Variants in LRBA observed in about 807,000 individuals in gnomAD.
LRBA encodes LPS responsive beige-like anchor protein, also known as lipopolysaccharide-responsive and beige-like anchor protein.
LRBA carries 176 observed loss-of-function variants against 330.0 expected under a neutral mutation model. The observed-to-expected ratio is 0.53, with a 90% CI of 0.47 to 0.60. The LOEUF (loss-of-function observed/expected upper bound fraction) is 0.60. LRBA is among the 20% of genes least tolerant of loss of function. The pLI is 0.00. For synonymous variants in LRBA, 1,230 were observed against 1,193.0 expected, an observed-to-expected ratio of 1.03 and a Z score of -0.64; for missense variants, 3,259 against 3,444.8, an observed-to-expected ratio of 0.95 and a Z score of 1.35.
At chr4:150,836,774 T>A (rs1314143949) in intron 28 of LRBA, among the ~76,000 whole-genome samples, 1 of 152,100 alleles carries the variant, frequency 6.6e-6, no homozygotes, top group Non-Finnish European at 1.5e-5. Context: ...TTTTGAAGGG[T>A]TTTTTGTGTC....
intron 33 of LRBA, among the ~76,000 whole-genome samples, chr4:150,803,440 T>C (rs1742056626): frequency 6.6e-6 from 1 of 152,072 alleles, no homozygotes; most frequent in Non-Finnish European, 1.5e-5. Flanking sequence ...TTACTACTTT[T>C]GTGAAAATTT....
intron 2 of LRBA, among the ~76,000 whole-genome samples, chr4:151,005,277 C>T (rs989753269): frequency 6.6e-6 from 1 of 151,848 alleles, no homozygotes; most frequent in Admixed American, 6.6e-5. Flanking sequence ...AAGCCTGTCT[C>T]TACTACAAAT....
At chr4:150,434,247 C>T (rs979982777) in intron 46 of LRBA, among the ~76,000 whole-genome samples, 2 of 152,048 alleles carry the variant, frequency 1.3e-5, no homozygotes, top group Non-Finnish European at 2.9e-5. Flanking sequence ...TAACACAGTA[C>T]ACCTTGCAGA....
chr4:150,511,747 A>G (rs1018611924), intron 40 of LRBA, among the ~76,000 whole-genome samples: 3 of 152,268 alleles, frequency 2.0e-5, no homozygotes, highest in African/African-American at 7.2e-5. Flanking sequence ...ACCATTTTAT[A>G]AATTAACAAA....
chr4:150,433,045 T>C (rs1750640840), intron 46 of LRBA, among the ~76,000 whole-genome samples: 1 of 152,138 alleles, frequency 6.6e-6, no homozygotes, highest in African/African-American at 2.4e-5. Flanking sequence ...AAGGAGAATA[T>C]ACACATTGGT....
intron 47 of LRBA, among the ~76,000 whole-genome samples, chr4:150,401,973 T>C (rs1394105199): frequency 6.6e-6 from 1 of 151,790 alleles, no homozygotes; most frequent in African/African-American, 2.4e-5. Context: ...GGAAAAAGGT[T>C]AACAATAGTG....
chr4:150,777,084 G>GTTGTTGT (rs1553959767), intron 34 of LRBA, among the ~76,000 whole-genome samples: 56 of 151,672 alleles, frequency 3.7e-4, no homozygotes, highest in African/African-American at 1.3e-3. Context: ...TGTTGTTGTT[G>GTTGTTGT]TTGTTGTTGT....
In LRBA at chr4:150,902,222, G is replaced by T. The variant is rs575998094; in HGVS notation, c.1756-2005C>A. ...ACTAATAAAGTAGGCATTAAGATAGGCTTTGAAGATGAGTAGTAGAATAGA... is the reference window on the plus strand; with the variant it reads ...ACTAATAAAGTAGGCATTAAGATAGTCTTTGAAGATGAGTAGTAGAATAGA... On this transcript the variant is annotated intron_variant, in intron 13 of 56. Coordinates refer to ENST00000651943, the MANE Select transcript of LRBA (RefSeq NM_001364905.1). 8.6e-4 allele frequency among the ~76,000 whole-genome samples: 131 copies of T among 152,230 alleles called. 2 individuals are homozygous for T. Among genetic ancestry groups the T allele is most frequent in the Non-Finnish European group, 1.6e-3 (107 of 68,012 alleles).
In LRBA at chr4:150,601,822, C is replaced by A. The variant is rs28532218; in HGVS notation, c.5922-2691G>T. Among the ~76,000 whole-genome samples the A allele has an allele frequency of 6.4e-3, 932 of 146,766 alleles. 5 individuals carry two copies. The highest frequency in any genetic ancestry group is 0.022 in the African/African-American group (901 of 41,000). The stretch of plus-strand genomic sequence containing the variant: ...TTCTCCTGCCTCAGCCTCCCGAGTA[C>A]CTGGGACTACAGGCGCCTGCCACCA... On this transcript the variant is annotated intron_variant, in intron 37 of 56. Transcript: ENST00000651943.
At chr4:150,668,054 A>G (rs1021023678) in intron 37 of LRBA, among the ~76,000 whole-genome samples, 7 of 152,170 alleles carry the variant, frequency 4.6e-5, no homozygotes, top group Admixed American at 2.6e-4. Flanking sequence ...TTTCTTCCCT[A>G]TCATAAATGT....
At chr4:150,899,637 C>T (rs1362709355) in intron 14 of LRBA, among the ~76,000 whole-genome samples, 1 of 152,174 alleles carries the variant, frequency 6.6e-6, no homozygotes, top group African/African-American at 2.4e-5. Context: ...TTCATTATCT[C>T]TTTAAGAGAA....
intron 35 of LRBA, among the ~76,000 whole-genome samples, chr4:150,760,313 T>C (rs574635515): frequency 6.6e-6 from 1 of 152,132 alleles, no homozygotes. Flanking sequence ...TTTTTATTGA[T>C]CACCTACTAC....
chr4:150,509,990 G>A (rs1363991351), intron 40 of LRBA, among the ~76,000 whole-genome samples: 4 of 152,206 alleles, frequency 2.6e-5, no homozygotes, highest in African/African-American at 9.6e-5. Flanking sequence ...TACAAAAACA[G>A]CCAAGTGTGG....
intron 47 of LRBA, among the ~76,000 whole-genome samples, chr4:150,409,753 A>T (rs1317689450): frequency 6.6e-6 from 1 of 152,280 alleles, no homozygotes; most frequent in Non-Finnish European, 1.5e-5. Context: ...CAATATGGCA[A>T]ATCTTTTTTC....
At chr4:150,568,515 T>C (rs924768197) in intron 40 of LRBA, among the ~76,000 whole-genome samples, 1 of 152,132 alleles carries the variant, frequency 6.6e-6, no homozygotes. Context: ...ACGTAAGTGG[T>C]GGTAATAAGG....
rs896372012 is a variant in LRBA at position 150,581,172 on chromosome 4, C to A, written c.6330+6876G>T. On this transcript the variant is annotated intron_variant, in intron 40 of 56. Coordinates refer to ENST00000651943, the MANE Select transcript of LRBA (RefSeq NM_001364905.1). ...TTTTCTCTCTCGTAACTAGTTAATT[C>A]TTGTAACGATAAAATAATGGTATTA... is the stretch of plus-strand genomic sequence containing the variant. 2.4e-5 allele frequency: 5 copies of A among 210,452 alleles called. No individual in the cohort carries two copies. In the South Asian group the frequency reaches 2.9e-4, roughly 12 times the overall value. 13.0% of individuals were successfully genotyped at this position (210,452 alleles called of 1,614,324 possible). A position where few individuals can be genotyped will look rare whatever the true frequency, so the allele number is the denominator to read the frequency against.
At chr4:150,593,443 T>C (rs1276867404) in intron 38 of LRBA, among the ~76,000 whole-genome samples, 2 of 152,178 alleles carry the variant, frequency 1.3e-5, no homozygotes, top group African/African-American at 2.4e-5. Flanking sequence ...CAAGTTAACA[T>C]GCGTTTGACA....
In LRBA at chr4:150,703,297, G is replaced by A. The variant is rs573107925; in HGVS notation, c.5755-19580C>T. ...TGTATCTACTAGGATACAAACAGAA[G>A]GTAATTTTTAATGAAACATTATCTT... On this transcript the variant is annotated intron_variant, in intron 36 of 56. Coordinates refer to ENST00000651943, the MANE Select transcript of LRBA (RefSeq NM_001364905.1). Among the ~76,000 whole-genome samples the A allele has an allele frequency of 2.6e-5, 4 of 152,226 alleles. No individual in the cohort carries two copies. The East Asian group carries it at 7.7e-4, about 29-fold the overall frequency.
At chr4:150,296,476 C>T (rs1728989203) in intron 53 of LRBA, among the ~76,000 whole-genome samples, 1 of 151,980 alleles carries the variant, frequency 6.6e-6, no homozygotes, top group Non-Finnish European at 1.5e-5. Flanking sequence ...AAAAAAATTA[C>T]TGTTAAAAAA....
Sources: gnomAD v4.1 joint callset for allele counts (sites outside exome capture counted in the v4.1 genomes callset) on GRCh38, gnomAD v4.1.1 for gene constraint, MANE v1.5 for transcripts, NCBI Gene and HGNC (gene_info 2026-07-23, HGNC 2026-07-21) for gene names.